The following UNC13B variants were observed in gnomAD, a reference collection of about 807,000 sequenced individuals.
The protein encoded by UNC13B is protein unc-13 homolog B.
A neutral mutation model predicts 211.0 loss-of-function variants in UNC13B; 144 were observed. The observed-to-expected ratio is 0.68, with a 90% CI of 0.60 to 0.78. The LOEUF is 0.78. Ranked by LOEUF, UNC13B falls within the 30% of genes least tolerant of loss-of-function variation. The pLI is 0.00. For missense variants in UNC13B, 1,777 were observed against 2,002.0 expected, an observed-to-expected ratio of 0.89 and a Z score of 2.14; for synonymous variants, 709 against 725.8, an observed-to-expected ratio of 0.98 and a Z score of 0.37.
chr9:35,257,308 A>ATATAAATATTTATATAAATATTT (rs1554692862), intron 6 of UNC13B, among the ~76,000 whole-genome samples: 1 of 98,340 alleles, frequency 1.0e-5, no homozygotes, highest in African/African-American at 3.5e-5. Context: ...ATTTATAAAA[A>ATATAAATATTTATATAAATATTT]ATATAAATAT....
At chr9:35,353,310 T>C in intron 11 of UNC13B, 1 of 1,232,210 alleles carries the variant, frequency 8.1e-7, no homozygotes, top group Non-Finnish European at 1.0e-6. Context: ...CGTTCTGCTC[T>C]GCAGGGTGTG....
chr9:35,386,015 G>T, intron 23 of UNC13B, 150 bp from the exon 24 acceptor site: 3 of 1,441,644 alleles, frequency 2.1e-6, no homozygotes, highest in Non-Finnish European at 2.8e-6. Flanking sequence ...AGTTTTCCCT[G>T]TCAACTATCC....
At chr9:35,345,168 G>A (rs1028221117) in intron 11 of UNC13B, among the ~76,000 whole-genome samples, 3 of 152,066 alleles carry the variant, frequency 2.0e-5, no homozygotes, top group Non-Finnish European at 4.4e-5. Flanking sequence ...GAGGTAGTAA[G>A]GAAAAAGAGG....
chr9:35,241,557 GCA>G (rs3067420), intron 5 of UNC13B, among the ~76,000 whole-genome samples: 73,233 of 144,716 alleles, frequency 0.51, 18,596 homozygotes, highest in Middle Eastern at 0.57. Context: ...CTGAATATAA[GCA>G]CACACACACA....
rs1587574265 is a variant in UNC13B, at chr9:35,301,599, A to T, written c.2195A>T (p.Gln732Leu). 2.5e-6 allele frequency: 1 copy of T among 398,920 alleles called. No individual in the cohort carries two copies. The highest frequency in any genetic ancestry group is 4.4e-6 in the Non-Finnish European group (1 of 225,936). The allele number at this position is 398,920 out of a possible 1,614,324, so 24.7% of individuals were successfully genotyped here. A position where few individuals can be genotyped will look rare whatever the true frequency, so the allele number is the denominator to read the frequency against. ...MPTSENLLSS[Q>L]VTSEPSNLVS... ...ACAAGTGAGAATTTGTTGTCCTCCC[A>T]AGTAACCAGTGAACCTTCAAACTTA... Residue 732 changes from glutamine to leucine, a missense_variant, in exon 9 of 40, where the codon CAA becomes CTA. Gln to Leu is a moderately radical substitution (Grantham distance 113). Transcript: ENST00000635942.
At chr9:35,279,863 A>G (rs1375162564) in intron 7 of UNC13B, among the ~76,000 whole-genome samples, 1 of 152,162 alleles carries the variant, frequency 6.6e-6, no homozygotes, top group East Asian at 1.9e-4. Context: ...TATATTGCAG[A>G]GATGGCACAC....
intron 1 of UNC13B, among the ~76,000 whole-genome samples, chr9:35,197,866 G>A (rs1325407022): frequency 6.6e-6 from 1 of 152,262 alleles, no homozygotes; most frequent in East Asian, 1.9e-4. Context: ...TTCCTGTACA[G>A]CCTGTGGAAC....
At chr9:35,259,118 T>A in intron 7 of UNC13B, 68 bp downstream of exon 7, 1 of 1,525,252 alleles carries the variant, frequency 6.6e-7, no homozygotes, top group Non-Finnish European at 9.1e-7. Flanking sequence ...GAACATGGGT[T>A]ATTCTGAGCT....
At chr9:35,325,664 A>T (rs924166878) in intron 11 of UNC13B, among the ~76,000 whole-genome samples, 5 of 152,200 alleles carry the variant, frequency 3.3e-5, no homozygotes, top group South Asian at 2.1e-4. Context: ...TCACACAACC[A>T]TCACCACTAC....
chr9:35,331,336 C>T (rs1831357447), intron 11 of UNC13B, among the ~76,000 whole-genome samples: 1 of 152,194 alleles, frequency 6.6e-6, no homozygotes, highest in Non-Finnish European at 1.5e-5. Flanking sequence ...GCAACCTCTG[C>T]CTCCAGATTC....
Position 35,399,427 on chromosome 9 carries a change from G to A in UNC13B, c.12234G>A (p.Leu4078=), listed in dbSNP as rs764538889. The change falls in exon 35 of 40, where the codon CTG becomes CTA. Residue 4078 remains leucine (L), a synonymous_variant. Coordinates refer to ENST00000635942, the MANE Select transcript of UNC13B (RefSeq NM_001371189.2). ...TGATCTTCACTGCTGCCAAGGAGCTGAGCCATCTTTCCAAACTCAAGGTAC... is the reference window on the plus strand; with the variant it reads ...TGATCTTCACTGCTGCCAAGGAGCTAAGCCATCTTTCCAAACTCAAGGTAC... ...TQLIFTAAKE[L]SHLSKLKDHM... 6.2e-7 allele frequency: 1 copy of A among 1,614,014 alleles called. No homozygotes were observed. The highest frequency in any genetic ancestry group is 1.3e-5 in the African/African-American group (1 of 74,896).
At chr9:35,258,810 A>G (rs1176771097) in intron 6 of UNC13B, among the ~76,000 whole-genome samples, 183 bp from the exon 7 acceptor site, 1 of 152,218 alleles carries the variant, frequency 6.6e-6, no homozygotes, top group African/African-American at 2.4e-5. Context: ...GGCCATAACC[A>G]ATAGTCTGGC....
chr9:35,209,130 T>C (rs887178694), intron 1 of UNC13B, among the ~76,000 whole-genome samples: 1 of 152,164 alleles, frequency 6.6e-6, no homozygotes, highest in Non-Finnish European at 1.5e-5. Flanking sequence ...AGTGGCACAA[T>C]CACGGCTCAC....
At chr9:35,390,818 A>C in intron 26 of UNC13B, 104 bp downstream of exon 26, 1 of 1,181,574 alleles carries the variant, frequency 8.5e-7, no homozygotes, top group Non-Finnish European at 1.2e-6. Flanking sequence ...GGTGAGTGGT[A>C]TAGTGAGAAA....
chr9:35,204,929 T>C (rs908389485), intron 1 of UNC13B, among the ~76,000 whole-genome samples: 1 of 152,278 alleles, frequency 6.6e-6, no homozygotes, highest in Non-Finnish European at 1.5e-5. Flanking sequence ...CAGAATGATA[T>C]GGTTTGCCTC....
Position 35,236,597 on chromosome 9 carries a change from G to A in UNC13B, c.270+11G>A. On this transcript the variant is annotated intron_variant, in intron 4 of 39. Transcript: ENST00000635942. ...CGTCAGTCGGATGAGGTCAGTCATT[G>A]CATTTTCTGTTTGGAAGTATGGTTC... The A allele has an allele frequency of 6.2e-7, 1 of 1,610,302 alleles. No homozygotes were observed. The highest frequency in any genetic ancestry group is 8.5e-7 in the Non-Finnish European group (1 of 1,176,720).
intron 2 of UNC13B, among the ~76,000 whole-genome samples, 182 bp from the exon 3 acceptor site, chr9:35,230,938 G>A (rs922132900): frequency 9.2e-5 from 14 of 152,190 alleles, no homozygotes; most frequent in South Asian, 8.3e-4. Flanking sequence ...AAGATAGCAC[G>A]TAGTTTTATA....
chr9:35,386,178 A>G lies in UNC13B; in HGVS notation c.10979A>G (p.Gln3660Arg). 1.2e-6 allele frequency: 2 copies of G among 1,614,198 alleles called. No homozygotes were observed. Among genetic ancestry groups the G allele is most frequent in the Non-Finnish European group, 1.7e-6 (2 of 1,180,002 alleles). Reference sequence around the variant, plus strand: ...TTTAATTGGCAGGTACAAGAACTGCAAAGCCCTCCAAGAGCCAGCCAGGTG... The same window carrying G: ...TTTAATTGGCAGGTACAAGAACTGCGAAGCCCTCCAAGAGCCAGCCAGGTG... ...TFFRMKVQEL[Q>R]SPPRASQVVK... The change falls in exon 24 of 40, where the codon CAA becomes CGA. Residue 3660 changes from glutamine to arginine, a missense_variant. By Grantham distance (43) the Gln-to-Arg change is conservative. Coordinates refer to ENST00000635942, the MANE Select transcript of UNC13B (RefSeq NM_001371189.2).
chr9:35,189,621 A>C (rs1022802497), intron 1 of UNC13B, among the ~76,000 whole-genome samples: 1 of 152,190 alleles, frequency 6.6e-6, no homozygotes, highest in African/African-American at 2.4e-5. Context: ...CACATATAGC[A>C]ACACAAATAG....
Sources: gnomAD v4.1 joint callset for allele counts (sites outside exome capture counted in the v4.1 genomes callset) on GRCh38, gnomAD v4.1.1 for gene constraint, MANE v1.5 for transcripts, NCBI Gene and HGNC (gene_info 2026-07-23, HGNC 2026-07-21) for gene names.